Variants in TACC2 observed in about 807,000 individuals in gnomAD.
The protein encoded by TACC2 is transforming acidic coiled-coil containing protein 2.
In TACC2, 137 loss-of-function variants were observed where a neutral mutation model predicts 227.3. The observed-to-expected ratio is 0.60, with a 90% CI of 0.52 to 0.69. TACC2 has a LOEUF of 0.69. Ranked by LOEUF, TACC2 falls within the 30% of genes least tolerant of loss-of-function variation. The pLI, the probability that TACC2 is intolerant of heterozygous loss-of-function variation, is 0.00. For synonymous variants in TACC2, 1,523 were observed against 1,487.5 expected, an observed-to-expected ratio of 1.02 and a Z score of -0.55; for missense variants, 3,470 against 3,694.4, an observed-to-expected ratio of 0.94 and a Z score of 1.57.
At chr10:122,089,874 G>A (rs2080547511) in intron 5 of TACC2, among the ~76,000 whole-genome samples, 1 of 152,210 alleles carries the variant, frequency 6.6e-6, no homozygotes, top group Admixed American at 6.5e-5. Flanking sequence ...CTGAGCCAAT[G>A]TGGATGTGGG....
chr10:122,157,838 T>C (rs1487261457), intron 7 of TACC2, among the ~76,000 whole-genome samples: 1 of 145,272 alleles, frequency 6.9e-6, no homozygotes, highest in Non-Finnish European at 1.5e-5. Context: ...CAATGGTGTG[T>C]TTAAAAAAAA....
In TACC2 at chr10:122,216,828, G is replaced by T. The variant is rs766423134; in HGVS notation, c.7546G>T (p.Glu2516Ter). 16 of 1,614,138 alleles carry T rather than the reference G, an allele frequency of 9.9e-6. No individual in the cohort carries two copies. The highest frequency in any genetic ancestry group is 1.3e-5 in the Non-Finnish European group (15 of 1,180,018). ...NETKFSSPTE[E>*]LDYRNSYEIE... ...GACCAAATTCAGTTCACCCACTGAG[G>T]GTAAGCAACTCTGTAGCCAGCTGGA... is the stretch of plus-strand genomic sequence containing the variant. The change falls in exon 11 of 23, where the codon GAG (glutamate) becomes TAG (stop). Residue 2516 changes from glutamate to a stop codon, truncating the protein, a stop_gained and splice_region_variant. Transcript: ENST00000369005. LOFTEE classifies it high-confidence loss of function.
intron 5 of TACC2, among the ~76,000 whole-genome samples, chr10:122,110,152 A>G (rs1464230819): frequency 1.3e-5 from 2 of 152,210 alleles, no homozygotes; most frequent in Admixed American, 6.5e-5. Flanking sequence ...ATGCAGAACC[A>G]TAGCCTGGTA....
chr10:122,200,598 A>G (rs1286735646), intron 8 of TACC2, among the ~76,000 whole-genome samples: 1 of 150,286 alleles, frequency 6.7e-6, no homozygotes, highest in Non-Finnish European at 1.5e-5. Context: ...ACCTGCCCAC[A>G]GTGGCCACAT....
intron 2 of TACC2, among the ~76,000 whole-genome samples, chr10:122,026,840 C>T (rs1383784747): frequency 6.6e-6 from 1 of 151,964 alleles, no homozygotes; most frequent in African/African-American, 2.4e-5. Context: ...TTTCCATTGC[C>T]TGAATGTACC....
rs551044816 is a variant in TACC2, at chr10:122,180,742, T to C, written c.5835-14298T>C. Among the ~76,000 whole-genome samples the C allele has an allele frequency of 8.5e-5, 13 of 152,292 alleles. No homozygotes were observed. The East Asian group carries it at 1.9e-3, about 23-fold the overall frequency. ...GCAAGAGGAATAACTTATTTTATTT[T>C]TTATTTTTTTTGAGACGGAGTCTCG... On this transcript the variant is annotated intron_variant, in intron 7 of 22. Coordinates refer to ENST00000369005, the MANE Select transcript of TACC2 (RefSeq NM_206862.4). The surrounding 1 kb of genome is among the most constrained non-coding windows in gnomAD (Gnocchi z 4.5).
chr10:122,108,336 A>G (rs1263883548), intron 5 of TACC2, among the ~76,000 whole-genome samples: 1 of 148,150 alleles, frequency 6.7e-6, no homozygotes, highest in Non-Finnish European at 1.5e-5. Flanking sequence ...AAATGCCATT[A>G]TTTTATTCCT....
intron 2 of TACC2, among the ~76,000 whole-genome samples, chr10:122,042,831 C>T (rs905159823): frequency 6.6e-6 from 1 of 152,156 alleles, no homozygotes; most frequent in African/African-American, 2.4e-5. Context: ...ATTCTTAAAC[C>T]ATGCTGCTGT....
intron 5 of TACC2, 38 bp from the exon 6 acceptor site, chr10:122,132,571 G>A: frequency 6.2e-7 from 1 of 1,612,554 alleles, no homozygotes; most frequent in Non-Finnish European, 8.5e-7. Flanking sequence ...TTGTAGGAAT[G>A]TTTCTGAGTT....
At chr10:122,202,287 AT>A (rs2094892056) in intron 8 of TACC2, among the ~76,000 whole-genome samples, 1 of 145,290 alleles carries the variant, frequency 6.9e-6, no homozygotes. Context: ...TTCTGAGGAC[AT>A]TCCTCCCAAA....
At chr10:122,149,694 C>CGA (rs1565440281) in intron 7 of TACC2, among the ~76,000 whole-genome samples, 1 of 152,236 alleles carries the variant, frequency 6.6e-6, no homozygotes, top group Non-Finnish European at 1.5e-5. Flanking sequence ...AGTCCGCTCC[C>CGA]CAGCGCGGCA....
At chr10:122,073,720 T>C (rs2078418042) in intron 3 of TACC2, among the ~76,000 whole-genome samples, 1 of 152,196 alleles carries the variant, frequency 6.6e-6, no homozygotes, top group Non-Finnish European at 1.5e-5. Context: ...TAGAAAAGCT[T>C]GTTTAACCGC....
intron 5 of TACC2, among the ~76,000 whole-genome samples, chr10:122,104,512 G>A (rs1003829242): frequency 3.3e-5 from 5 of 152,086 alleles, no homozygotes; most frequent in African/African-American, 1.2e-4. Flanking sequence ...GTGATTACAG[G>A]CGCTTGCCAC....
chr10:122,253,920 A>G (rs1488494052), intron 22 of TACC2, 71 bp from the exon 23 acceptor site: 12 of 1,372,012 alleles, frequency 8.7e-6, no homozygotes, highest in South Asian at 8.2e-5. Context: ...CATCTCCCCA[A>G]AAAGCCCCAT....
intron 16 of TACC2, among the ~76,000 whole-genome samples, chr10:122,231,831 A>G (rs2141470339): frequency 1.3e-5 from 2 of 152,194 alleles, no homozygotes; most frequent in East Asian, 3.9e-4. Flanking sequence ...ACAGAGCGAG[A>G]CCCTATCTTT....
intron 2 of TACC2, chr10:122,022,971 T>G (rs566140153): frequency 4.0e-4 from 61 of 152,358 alleles, no homozygotes; most frequent in African/African-American, 1.5e-3. Context: ...TTAATGACAT[T>G]GAGTTCCTTG....
At chr10:122,114,442 G>T (rs2084269613) in intron 5 of TACC2, among the ~76,000 whole-genome samples, 1 of 152,242 alleles carries the variant, frequency 6.6e-6, no homozygotes. Context: ...GAAGGGTTTT[G>T]TTGAAAATTG....
chr10:122,050,805 C>T lies in TACC2; in HGVS notation c.146+255C>T. 1 of 475,284 alleles carries T rather than the reference C, an allele frequency of 2.1e-6. No individual in the cohort carries two copies. The allele number at this position is 475,284 out of a possible 1,614,324, so 29.4% of individuals were successfully genotyped here. A position where few individuals can be genotyped will look rare whatever the true frequency, so the allele number is the denominator to read the frequency against. ...ATTATAGACTTCCATTCCAGCCACACTCCAGAGTATCTTCATTGTCAGAAC... is the reference window on the plus strand; with the variant it reads ...ATTATAGACTTCCATTCCAGCCACATTCCAGAGTATCTTCATTGTCAGAAC... On this transcript the variant is annotated intron_variant, in intron 3 of 22. Transcript: ENST00000369005. The surrounding 1 kb of genome is among the most constrained non-coding windows in gnomAD (Gnocchi z 4.6).
At chr10:122,062,486 T>G (rs1033736429) in intron 3 of TACC2, among the ~76,000 whole-genome samples, 3 of 151,854 alleles carry the variant, frequency 2.0e-5, no homozygotes, top group Admixed American at 1.3e-4. Context: ...AATTTTTTTT[T>G]TTTTTTTAGT....
Sources: allele counts gnomAD v4.1 joint callset (sites outside exome capture counted in the v4.1 genomes callset), GRCh38; gene constraint gnomAD v4.1.1; non-coding constraint Gnocchi (gnomAD v3.1); transcripts MANE v1.5; gene names NCBI Gene and HGNC (gene_info 2026-07-23, HGNC 2026-07-21).